The following PKHD1 variants were observed in gnomAD, a reference collection of about 807,000 sequenced individuals.
The protein encoded by PKHD1 is fibrocystin.
PKHD1 carries 291 observed loss-of-function variants against 412.0 expected under a neutral mutation model. The ratio of observed to expected loss-of-function variants is 0.71; its 90% confidence interval spans 0.64 to 0.78. PKHD1 has a LOEUF of 0.78. Ranked by LOEUF, PKHD1 falls within the 30% of genes least tolerant of loss-of-function variation. PKHD1 has a pLI of 0.00. For missense variants in PKHD1, 4,825 were observed against 4,950.7 expected, an observed-to-expected ratio of 0.97 and a Z score of 0.76; for synonymous variants, 1,777 against 1,821.5, an observed-to-expected ratio of 0.98 and a Z score of 0.62.
intron 37 of PKHD1, among the ~76,000 whole-genome samples, chr6:51,923,523 A>T (rs1785044339): frequency 6.6e-6 from 1 of 152,038 alleles, no homozygotes; most frequent in Non-Finnish European, 1.5e-5. Flanking sequence ...AAAAAGAAAA[A>T]AAAAAAACAA....
intron 24 of PKHD1, 80 bp from the exon 25 acceptor site, chr6:52,045,168 T>C (rs1210186804): frequency 7.2e-6 from 10 of 1,379,864 alleles, no homozygotes; most frequent in Non-Finnish European, 1.0e-5. Context: ...AAGAGTTTTT[T>C]CACATTGTGT....
intron 52 of PKHD1, among the ~76,000 whole-genome samples, chr6:51,811,474 G>A (rs1764670929): frequency 6.6e-6 from 1 of 152,136 alleles, no homozygotes; most frequent in African/African-American, 2.4e-5. Context: ...TTTGAATATA[G>A]ACTTAACTTT....
rs1775355048 is a variant in PKHD1 at position 51,867,976 on chromosome 6, A to G, written c.7620T>C (p.Leu2540=). Residue 2540 remains leucine (L), a synonymous_variant, in exon 48 of 67, where the codon CTT becomes CTC. Transcript: ENST00000371117. ...AAGCTGAAAGGGTTTCCATAGAAGCAAGAATGTGACTTCTGTTTTTCCCAG... is the reference window on the plus strand; with the variant it reads ...AAGCTGAAAGGGTTTCCATAGAAGCGAGAATGTGACTTCTGTTTTTCCCAG... The part of the protein sequence containing the change: ...SLSGKNRSHI[L]ASMETLSASC... 8 of 1,613,610 alleles carry G rather than the reference A, an allele frequency of 5.0e-6. No individual in the cohort carries two copies. Among genetic ancestry groups the G allele is most frequent in the Non-Finnish European group, 6.8e-6 (8 of 1,179,572 alleles).
At chr6:51,998,304 A>C (rs1797947046) in intron 35 of PKHD1, among the ~76,000 whole-genome samples, 1 of 152,160 alleles carries the variant, frequency 6.6e-6, no homozygotes, top group African/African-American at 2.4e-5. Flanking sequence ...CTATGGCCCT[A>C]TCAAACTTCA....
intron 35 of PKHD1, among the ~76,000 whole-genome samples, chr6:52,006,405 C>A (rs1799068598): frequency 6.6e-6 from 1 of 150,622 alleles, no homozygotes; most frequent in Non-Finnish European, 1.5e-5. Context: ...GAGATGGAGT[C>A]TTGCTCTGTC....
chr6:51,807,481 G>GTT (rs1763998655), intron 52 of PKHD1, among the ~76,000 whole-genome samples: 1 of 55,812 alleles, frequency 1.8e-5, no homozygotes, highest in African/African-American at 8.1e-5. Flanking sequence ...ATATATATAT[G>GTT]TATATGTGTG....
intron 53 of PKHD1, 55 bp from the exon 54 acceptor site, chr6:51,775,976 A>C (rs1790958927): frequency 3.5e-6 from 3 of 860,948 alleles, no homozygotes; most frequent in Non-Finnish European, 6.0e-6. Context: ...AAAGAAAGAG[A>C]GGGAGAAATT....
chr6:51,856,773 A>G (rs1319433395), intron 48 of PKHD1, among the ~76,000 whole-genome samples: 1 of 152,192 alleles, frequency 6.6e-6, no homozygotes, highest in African/African-American at 2.4e-5. Flanking sequence ...TTGCCTTTTT[A>G]AAAACATAGA....
chr6:51,629,644 A>G (rs1056221090), intron 65 of PKHD1, among the ~76,000 whole-genome samples: 2 of 152,150 alleles, frequency 1.3e-5, no homozygotes, highest in African/African-American at 2.4e-5. Flanking sequence ...TCTTTGATAA[A>G]GCACTAAAGA....
At chr6:51,791,005 C>A (rs6924716) in intron 53 of PKHD1, among the ~76,000 whole-genome samples, 1 of 151,344 alleles carries the variant, frequency 6.6e-6, no homozygotes, top group Non-Finnish European at 1.5e-5. Context: ...CAGTAGCAGG[C>A]GGACCAGAAA....
At position 52,058,771 on chromosome 6, in the gene PKHD1, C is replaced by CTCTATCTATCTA. The variant is rs56342114; in HGVS notation, c.1234-182_1234-171dup. 4.2e-3 allele frequency among the ~76,000 whole-genome samples: 622 copies of CTCTATCTATCTA among 149,296 alleles called. 1 individual carries two copies. Among genetic ancestry groups the CTCTATCTATCTA allele is most frequent in the East Asian group, 0.01 (51 of 5,028 alleles). On this transcript the variant is annotated intron_variant, in intron 15 of 66. Transcript: ENST00000371117. ...TGTGGTTATTTATGCTTCTCCAGCT[C>CTCTATCTATCTA]TCTATCTATCTATCTATCTATCTAT...
chr6:51,832,479 C>T (rs527400842), intron 51 of PKHD1, among the ~76,000 whole-genome samples: 20 of 151,822 alleles, frequency 1.3e-4, no homozygotes, highest in Non-Finnish European at 2.8e-4. Context: ...TAAACAGAGG[C>T]CAGAGTATGA....
intron 63 of PKHD1, among the ~76,000 whole-genome samples, chr6:51,640,555 A>G (rs1769214212): frequency 6.6e-6 from 1 of 152,148 alleles, no homozygotes; most frequent in African/African-American, 2.4e-5. Flanking sequence ...TATAAACAGT[A>G]TACTGGCTGG....
At chr6:51,933,994 C>T in intron 37 of PKHD1, 116 bp downstream of exon 37, 1 of 760,422 alleles carries the variant, frequency 1.3e-6, no homozygotes, top group East Asian at 2.5e-5. Flanking sequence ...TAGTGCCATG[C>T]TCTAACTGAC....
intron 37 of PKHD1, among the ~76,000 whole-genome samples, chr6:51,919,323 A>T (rs1177551235): frequency 6.6e-6 from 1 of 152,160 alleles, no homozygotes; most frequent in Non-Finnish European, 1.5e-5. Flanking sequence ...TAAGGAAGGG[A>T]TCCAATTTCA....
chr6:52,064,297 G>A (rs1318899043), intron 13 of PKHD1, among the ~76,000 whole-genome samples: 4 of 152,192 alleles, frequency 2.6e-5, no homozygotes, highest in African/African-American at 9.6e-5. Context: ...CTACACTTGA[G>A]CCTTCAGTTC....
chr6:51,963,783 C>T (rs987788518), intron 35 of PKHD1, among the ~76,000 whole-genome samples: 3 of 152,050 alleles, frequency 2.0e-5, no homozygotes, highest in African/African-American at 7.2e-5. Context: ...TTGAGAATGT[C>T]TCTGTTGATA....
chr6:51,817,237 C>G (rs1346688587), intron 52 of PKHD1, among the ~76,000 whole-genome samples: 4 of 152,086 alleles, frequency 2.6e-5, no homozygotes, highest in Non-Finnish European at 5.9e-5. Context: ...GCCTCTATTT[C>G]CTTACTACAG....
chr6:51,632,653 G>C lies in PKHD1; in HGVS notation c.11577C>G (p.Ile3859Met). Residue 3859 changes from isoleucine to methionine, a missense_variant, in exon 65 of 67, where the codon ATC becomes ATG. Physicochemically the swap from Ile to Met is conservative, Grantham distance 10 (BLOSUM62 1). Transcript: ENST00000371117. The stretch of plus-strand genomic sequence containing the variant: ...CAGAGGACAGGGAAGCAGCCAGGAT[G>C]ATGGTCGACTTCTCCTTCCTAGTCA... ...LPVTRKEKST[I>M]ILAASLSSVA... is the part of the protein sequence containing the mutation. 6.2e-7 allele frequency: 1 copy of C among 1,613,350 alleles called. No homozygotes were observed. The highest frequency in any genetic ancestry group is 8.5e-7 in the Non-Finnish European group (1 of 1,179,488).
Sources: allele counts gnomAD v4.1 joint callset (sites outside exome capture counted in the v4.1 genomes callset), GRCh38; gene constraint gnomAD v4.1.1; transcripts MANE v1.5; gene names NCBI Gene and HGNC (gene_info 2026-07-23, HGNC 2026-07-21).